The following GPC4 variants were observed in gnomAD, a reference collection of about 807,000 sequenced individuals.
GPC4 encodes the protein glypican-4.
In GPC4, 10 loss-of-function variants were observed where a neutral mutation model predicts 35.0. The observed-to-expected ratio is 0.29, with a 90% CI of 0.18 to 0.48. The LOEUF (loss-of-function observed/expected upper bound fraction) is 0.48, where lower values mean the gene tolerates loss of function less well. Among genes scored for constraint, GPC4 ranks in the 20% least tolerant of loss-of-function variants. The pLI is 0.99. For synonymous variants in GPC4, 167 were observed against 170.2 expected (o/e 0.98, Z 0.15); for missense variants, 322 against 451.3 (o/e 0.71, Z 2.60).
intron 1 of GPC4, among the ~76,000 whole-genome samples, chrX:133,370,401 A>G (rs2068607540): frequency 8.9e-6 from 1 of 112,353 alleles, no homozygotes; most frequent in Admixed American, 9.5e-5. Flanking sequence ...CTAGAGAATG[A>G]TTTGAAATAA....
Position 133,382,476 on chromosome X carries a change from T to C in GPC4, c.160+32330A>G, listed in dbSNP as rs1228000286. Among the ~76,000 whole-genome samples, 176 of 96,091 alleles carry C rather than the reference T, an allele frequency of 1.8e-3. 1 individual carries two copies. The highest frequency in any genetic ancestry group is 2.6e-3 in the Non-Finnish European group (124 of 48,498). 83.4% of individuals were successfully genotyped at this position (96,091 alleles called of 115,157 possible). ...GGGCACAGTGGCTCACGCCTGTAAT[T>C]GCAGCACTTTGGGAGGCCAAGGCGG... is the stretch of plus-strand genomic sequence containing the variant. On this transcript the variant is annotated intron_variant, in intron 1 of 8. Transcript: ENST00000370828.
chrX:133,415,080 AGGAGTT>A lies in GPC4; in HGVS notation c.-121_-116del. On this transcript the variant is annotated 5_prime_UTR_variant, in exon 1 of 9. Coordinates refer to ENST00000370828, the MANE Select transcript of GPC4 (RefSeq NM_001448.3). ...ACTAGCGAGTGGAGCTGGAGGGAGA[AGGAGTT>A]GGAGTTGGTGGAAGAGGCGAGCAGG... 2.6e-6 allele frequency: 2 copies of A among 755,532 alleles called. No individual in the cohort carries two copies. Among genetic ancestry groups the A allele is most frequent in the Middle Eastern group, 4.7e-4 (1 of 2,143 alleles). The allele number at this position is 755,532 out of a possible 1,213,427, so 62.3% of individuals were successfully genotyped here.
intron 1 of GPC4, among the ~76,000 whole-genome samples, chrX:133,404,664 G>T (rs758578315): frequency 9.2e-6 from 1 of 109,002 alleles, no homozygotes; most frequent in East Asian, 2.9e-4. Flanking sequence ...AGACCAGCCT[G>T]GCCAACATGG....
At chrX:133,353,972 T>C (rs1348537690) in intron 1 of GPC4, among the ~76,000 whole-genome samples, 1 of 111,902 alleles carries the variant, frequency 8.9e-6, no homozygotes, top group East Asian at 2.8e-4. Flanking sequence ...TCATGAAAAG[T>C]CTTTGATGTG....
At chrX:133,375,444 A>AATAAATACT (rs2068629254) in intron 1 of GPC4, among the ~76,000 whole-genome samples, 1 of 112,625 alleles carries the variant, frequency 8.9e-6, no homozygotes, top group East Asian at 2.8e-4. Flanking sequence ...ATAATCATGA[A>AATAAATACT]ATAAATACTA....
intron 1 of GPC4, among the ~76,000 whole-genome samples, chrX:133,387,471 A>G (rs189261881): frequency 8.9e-6 from 1 of 111,793 alleles, no homozygotes; most frequent in Admixed American, 9.6e-5. Context: ...GAAAAGAAAA[A>G]AGAAGAAAAC....
chrX:133,408,745 A>C (rs1451271610), intron 1 of GPC4, among the ~76,000 whole-genome samples: 3 of 111,881 alleles, frequency 2.7e-5, no homozygotes, highest in Non-Finnish European at 3.8e-5. Flanking sequence ...AAAATAAAAA[A>C]AAATCCTATA....
chrX:133,406,957 T>C (rs1275075926), intron 1 of GPC4, among the ~76,000 whole-genome samples: 1 of 107,465 alleles, frequency 9.3e-6, no homozygotes, highest in African/African-American at 3.4e-5. Flanking sequence ...ACACCTGTAG[T>C]CCCAGCTACT....
intron 1 of GPC4, among the ~76,000 whole-genome samples, chrX:133,406,993 T>C (rs2068791084): frequency 9.3e-6 from 1 of 107,826 alleles, no homozygotes; most frequent in Non-Finnish European, 1.9e-5. Flanking sequence ...GAAGGATCGC[T>C]TGAACCCAGG....
At chrX:133,353,774 A>G (rs1412048615) in intron 1 of GPC4, among the ~76,000 whole-genome samples, 1 of 110,922 alleles carries the variant, frequency 9.0e-6, no homozygotes, top group Non-Finnish European at 1.9e-5. Flanking sequence ...AAAAGACAGT[A>G]TATATGACCA....
rs137944673 is a variant in GPC4, at chrX:133,303,222, A to G, written c.1412T>C (p.Met471Thr). Residue 471 changes from methionine (M) to threonine (T), a missense_variant, in exon 8 of 9, where the codon ATG becomes ACG. Met to Thr is a moderately conservative substitution (Grantham distance 81). This residue lies in a region of GPC4 where 99 missense variants were observed against 110.0 expected (regional missense o/e 0.90). Coordinates refer to ENST00000370828, the MANE Select transcript of GPC4 (RefSeq NM_001448.3). ...GTATGCATTCTTCATCTTGCTGGTC[A>G]TCACTCGAAGAGCCATGATTTGACG... ...ILRQIMALRV[M>T]TSKMKNAYNG... The G allele has an allele frequency of 3.0e-5, 36 of 1,211,627 alleles. No individual in the cohort carries two copies. The highest frequency in any genetic ancestry group is 3.9e-5 in the Non-Finnish European group (35 of 895,381).
chrX:133,302,941 G>C lies in GPC4; in HGVS notation c.1597C>G (p.Arg533Gly), dbSNP rs771396267. 5 of 1,211,513 alleles carry C rather than the reference G, an allele frequency of 4.1e-6. No individual in the cohort carries two copies. Among genetic ancestry groups the C allele is most frequent in the Non-Finnish European group, 5.6e-6 (5 of 895,326 alleles). Residue 533 changes from arginine to glycine, a missense_variant, in exon 9 of 9, where the codon CGT (arginine) becomes GGT (glycine). By Grantham distance (125) the Arg-to-Gly change is moderately radical. Transcript: ENST00000370828. ...ANEKADSAGV[R>G]PGAQAYLLTV... Reference sequence around the variant, plus strand: ...AGGAGGTAGGCCTGTGCCCCAGGACGGACACCAGCACTGTCGGCTTTCTCA... The same window carrying C: ...AGGAGGTAGGCCTGTGCCCCAGGACCGACACCAGCACTGTCGGCTTTCTCA...
At chrX:133,339,726 A>G (rs1397640726) in intron 1 of GPC4, among the ~76,000 whole-genome samples, 1 of 112,403 alleles carries the variant, frequency 8.9e-6, no homozygotes, top group Non-Finnish European at 1.9e-5. Flanking sequence ...GGGAGTTTAC[A>G]CTCCAAGAGA....
At chrX:133,384,873 T>C (rs1252298251) in intron 1 of GPC4, among the ~76,000 whole-genome samples, 1 of 111,567 alleles carries the variant, frequency 9.0e-6, no homozygotes, top group Non-Finnish European at 1.9e-5. Flanking sequence ...GTTTAAACAC[T>C]CTCTCTGCAT....
chrX:133,387,222 G>A (rs763524211), intron 1 of GPC4, among the ~76,000 whole-genome samples: 2 of 112,153 alleles, frequency 1.8e-5, no homozygotes, highest in South Asian at 7.4e-4. Context: ...TCCTTAGGGT[G>A]GGCTGAGAGG....
chrX:133,305,917 A>C lies in GPC4; in HGVS notation c.1010T>G (p.Val337Gly). 8.3e-7 allele frequency: 1 copy of C among 1,210,771 alleles called. No individual in the cohort carries two copies. The highest frequency in any genetic ancestry group is 1.1e-6 in the Non-Finnish European group (1 of 895,264). The change falls in exon 6 of 9, where the codon GTT (valine) becomes GGT (glycine). Residue 337 changes from valine (V) to glycine (G), a missense_variant and splice_region_variant. Physicochemically the swap from Val to Gly is moderately radical, Grantham distance 109. Coordinates refer to ENST00000370828, the MANE Select transcript of GPC4 (RefSeq NM_001448.3). ...QDNSVQVSQK[V>G]FQGCGPPKPL... ...CTTGGGGGGTCCACATCCCTGGAAAACCTGCATTAGAGTAAGTGTCGTCAT... is the reference window on the plus strand; with the variant it reads ...CTTGGGGGGTCCACATCCCTGGAAACCCTGCATTAGAGTAAGTGTCGTCAT...
At chrX:133,303,486 T>A in intron 7 of GPC4, 145 bp from the exon 8 acceptor site, 1 of 460,199 alleles carries the variant, frequency 2.2e-6, no homozygotes, top group South Asian at 4.5e-5. Flanking sequence ...ATTCTAGTAT[T>A]TCCACTAAGC....
intron 1 of GPC4, among the ~76,000 whole-genome samples, chrX:133,386,459 T>C (rs1258607050): frequency 8.9e-6 from 1 of 111,800 alleles, no homozygotes; most frequent in Non-Finnish European, 1.9e-5. Context: ...AGGGACATGA[T>C]TTTATTCTGT....
rs58637024 is a variant in GPC4 at position 133,407,076 on chromosome X, C to CAA, written c.160+7728_160+7729dup. On this transcript the variant is annotated intron_variant, in intron 1 of 8. Transcript: ENST00000370828. Reference sequence around the variant, plus strand: ...GGGTGACAAGAGCAAGACTCCATCTCAAAAAAAAAAAATACACACACACAC... The same window carrying CAA: ...GGGTGACAAGAGCAAGACTCCATCTCAAAAAAAAAAAAAATACACACACACAC... Among the ~76,000 whole-genome samples, 529 of 101,637 alleles carry CAA rather than the reference C, an allele frequency of 5.2e-3. 1 individual carries two copies. The highest frequency in any genetic ancestry group is 0.017 in the African/African-American group (487 of 27,857). The allele number at this position is 101,637 out of a possible 115,157, so 88.3% of individuals were successfully genotyped here. A position where few individuals can be genotyped will look rare whatever the true frequency, so the allele number is the denominator to read the frequency against.
Sources: allele counts gnomAD v4.1 joint callset (sites outside exome capture counted in the v4.1 genomes callset), GRCh38; gene constraint gnomAD v4.1.1; regional missense constraint gnomAD v4.1.1; transcripts MANE v1.5; gene names NCBI Gene and HGNC (gene_info 2026-07-23, HGNC 2026-07-21).